The following ARHGAP18 variants were observed in gnomAD, a reference collection of about 807,000 sequenced individuals.
The protein encoded by ARHGAP18 is Rho GTPase activating protein 18.
Under a neutral mutation model 86.2 loss-of-function variants are expected in ARHGAP18, and 67 were observed. The ratio of observed to expected loss-of-function variants is 0.78; its 90% confidence interval spans 0.64 to 0.95. ARHGAP18 has a LOEUF of 0.95. Among genes scored for constraint, ARHGAP18 ranks in the 40% least tolerant of loss-of-function variants. The probability of loss-of-function intolerance (pLI) is 0.00; values close to 1 mark genes in which losing one functional copy is unlikely to be tolerated. For missense variants in ARHGAP18, 691 were observed against 780.4 expected (o/e 0.89, Z 1.37); for synonymous variants, 283 against 280.4 (o/e 1.01, Z -0.09).
In ARHGAP18 at chr6:129,625,766, TATATATATTTATATATATA is replaced by T. The variant is rs1177420872; in HGVS notation, c.786+3568_786+3586del. Among the ~76,000 whole-genome samples the T allele has an allele frequency of 1.1e-3, 39 of 35,350 alleles. 4 individuals carry two copies. Among genetic ancestry groups the T allele is most frequent in the African/African-American group, 3.2e-3 (38 of 11,776 alleles). 23.2% of individuals were successfully genotyped at this position (35,350 alleles called of 152,430 possible). A position where few individuals can be genotyped will look rare whatever the true frequency, so the allele number is the denominator to read the frequency against. On this transcript the variant is annotated intron_variant, in intron 5 of 14. Transcript: ENST00000368149. ...ATTTATATATTATATATTTATATAT[TATATATATTTATATATATA>T]ATATATATTTTTATATTATATATTA...
chr6:129,666,622 C>T (rs1774046032), intron 1 of ARHGAP18, among the ~76,000 whole-genome samples: 1 of 152,194 alleles, frequency 6.6e-6, no homozygotes, highest in South Asian at 2.1e-4. Flanking sequence ...ATGCCTTCAA[C>T]CTGACTCCAG....
intron 1 of ARHGAP18, among the ~76,000 whole-genome samples, chr6:129,700,768 G>A (rs1774696228): frequency 6.6e-6 from 1 of 152,140 alleles, no homozygotes; most frequent in African/African-American, 2.4e-5. Flanking sequence ...TTCCCAGTGT[G>A]CAGAAGGAAA....
At chr6:129,632,291 C>G (rs577329696) in intron 4 of ARHGAP18, among the ~76,000 whole-genome samples, 1 of 152,294 alleles carries the variant, frequency 6.6e-6, no homozygotes, top group South Asian at 2.1e-4. Flanking sequence ...GATCTATGCC[C>G]ACTATGTAGC....
chr6:129,601,487 GAGAAGAGAGAAA>G (rs990029274), intron 10 of ARHGAP18, among the ~76,000 whole-genome samples: 58 of 146,740 alleles, frequency 4.0e-4, no homozygotes, highest in African/African-American at 1.4e-3. Context: ...GAGAAGAGAA[GAGAAGAGAGAAA>G]AGAGAAAAGA....
intron 4 of ARHGAP18, among the ~76,000 whole-genome samples, chr6:129,630,561 C>A (rs1054547127): frequency 6.6e-6 from 1 of 152,052 alleles, no homozygotes; most frequent in African/African-American, 2.4e-5. Context: ...AGATAAATGT[C>A]ATAAATACAT....
intron 1 of ARHGAP18, among the ~76,000 whole-genome samples, chr6:129,707,565 C>G (rs1774821598): frequency 6.6e-6 from 1 of 151,984 alleles, no homozygotes; most frequent in South Asian, 2.1e-4. Flanking sequence ...GCTCCACCAG[C>G]CTCAAGTGAT....
At chr6:129,580,624 T>C (rs528651206) in intron 13 of ARHGAP18, among the ~76,000 whole-genome samples, 23 of 152,304 alleles carry the variant, frequency 1.5e-4, no homozygotes, top group African/African-American at 5.3e-4. Context: ...TGAAGGCTCA[T>C]GCCTGTAATC....
Position 129,710,084 on chromosome 6 carries a change from C to G in ARHGAP18, c.53G>C (p.Ser18Thr), listed in dbSNP as rs1774883205. The stretch of plus-strand genomic sequence containing the variant: ...GTTCCCGACGGTCTGGTCCTTGCCG[C>G]TGGGGTGGTAGGCTGTTAGTACCAC... ...QGVVLTAYHP[S>T]GKDQTVGNSH... The change falls in exon 1 of 15, where the codon AGC becomes ACC. Residue 18 changes from serine to threonine, a missense_variant. Ser to Thr is a moderately conservative substitution (Grantham distance 58). Transcript: ENST00000368149. 2 of 1,614,024 alleles carry G rather than the reference C, an allele frequency of 1.2e-6. No individual in the cohort carries two copies. The highest frequency in any genetic ancestry group is 2.2e-5 in the South Asian group (2 of 91,082).
rs149277156 is a variant in ARHGAP18 at position 129,629,469 on chromosome 6, G to T, written c.670C>A (p.Pro224Thr). Residue 224 changes from proline to threonine, a missense_variant, in exon 5 of 15, where the codon CCT becomes ACT. Coordinates refer to ENST00000368149, the MANE Select transcript of ARHGAP18 (RefSeq NM_033515.3). ...AGGTTGATGTCTGTTTCAGGGGCAG[G>T]CGTCTCCTCAGGTGGGATCAGCTTC... is the stretch of plus-strand genomic sequence containing the variant. ...EEKLIPPEET[P>T]APETDINLEV... 6.8e-5 allele frequency: 109 copies of T among 1,613,710 alleles called. 1 individual carries two copies. Among genetic ancestry groups the T allele is most frequent in the Non-Finnish European group, 9.2e-5 (109 of 1,179,912 alleles).
At chr6:129,677,178 G>A (rs1774250943) in intron 1 of ARHGAP18, among the ~76,000 whole-genome samples, 1 of 152,004 alleles carries the variant, frequency 6.6e-6, no homozygotes, top group South Asian at 2.1e-4. Flanking sequence ...GGATCACGAG[G>A]TCAGGAGGAT....
chr6:129,623,975 G>A (rs1358857216), intron 5 of ARHGAP18, among the ~76,000 whole-genome samples: 1 of 152,162 alleles, frequency 6.6e-6, no homozygotes, highest in Non-Finnish European at 1.5e-5. Context: ...CAGAGGGGTA[G>A]AAATGGAGAG....
intron 5 of ARHGAP18, among the ~76,000 whole-genome samples, chr6:129,625,084 T>TTG (rs1789330089): frequency 9.6e-6 from 1 of 103,958 alleles, no homozygotes; most frequent in African/African-American, 3.7e-5. Flanking sequence ...ATATATATGA[T>TTG]ATATGATATA....
intron 1 of ARHGAP18, among the ~76,000 whole-genome samples, chr6:129,692,132 T>C (rs1774540085): frequency 6.6e-6 from 1 of 152,228 alleles, no homozygotes; most frequent in East Asian, 1.9e-4. Flanking sequence ...AGACCCCCTC[T>C]TTCTTTGAAT....
At position 129,625,361 on chromosome 6, in the gene ARHGAP18, G is replaced by GTAATATATATTATA. The variant is rs1562697058; in HGVS notation, c.786+3991_786+3992insTATAATATATATTA. Among the ~76,000 whole-genome samples the GTAATATATATTATA allele has an allele frequency of 1.6e-4, 8 of 51,234 alleles. 1 individual carries two copies. Among genetic ancestry groups the GTAATATATATTATA allele is most frequent in the Non-Finnish European group, 2.2e-4 (7 of 32,444 alleles). 33.6% of individuals were successfully genotyped at this position (51,234 alleles called of 152,430 possible). ...TATATTTATATGTAATATATATTAT[G>GTAATATATATTATA]TATATTTATATATATTATATATTAT... On this transcript the variant is annotated intron_variant, in intron 5 of 14. Coordinates refer to ENST00000368149, the MANE Select transcript of ARHGAP18 (RefSeq NM_033515.3).
At chr6:129,600,975 A>T (rs1562684316) in intron 10 of ARHGAP18, 127 bp from the exon 11 acceptor site, 1 of 752,636 alleles carries the variant, frequency 1.3e-6, no homozygotes, top group South Asian at 1.9e-5. Context: ...AACTAATCAC[A>T]TCCAGCAGGC....
intron 1 of ARHGAP18, among the ~76,000 whole-genome samples, chr6:129,653,088 T>C (rs1562711981): frequency 6.6e-6 from 1 of 152,184 alleles, no homozygotes; most frequent in Non-Finnish European, 1.5e-5. Context: ...TAAACTCTTC[T>C]CAGTTCTTTG....
Position 129,577,393 on chromosome 6 carries a change from T to C in ARHGAP18, c.*1120A>G, listed in dbSNP as rs1388382821. The stretch of plus-strand genomic sequence containing the variant: ...TTCTAAACTCATAAAATATTTAACA[T>C]TTCTCTACTTCATTTCTTATTTACA... On this transcript the variant is annotated 3_prime_UTR_variant, in exon 15 of 15. Coordinates refer to ENST00000368149, the MANE Select transcript of ARHGAP18 (RefSeq NM_033515.3). 2 of 152,186 alleles carry C rather than the reference T, an allele frequency of 1.3e-5. No individual in the cohort carries two copies. The highest frequency in any genetic ancestry group is 2.9e-5 in the Non-Finnish European group (2 of 68,010). The allele number at this position is 152,186 out of a possible 1,614,324, so 9.4% of individuals were successfully genotyped here.
intron 12 of ARHGAP18, among the ~76,000 whole-genome samples, chr6:129,594,604 C>T (rs1346213681): frequency 6.6e-6 from 1 of 152,164 alleles, no homozygotes; most frequent in African/African-American, 2.4e-5. Flanking sequence ...CCCCTGTAGC[C>T]GACTCACACA....
At chr6:129,633,697 T>C (rs964476486) in intron 4 of ARHGAP18, among the ~76,000 whole-genome samples, 2 of 152,186 alleles carry the variant, frequency 1.3e-5, no homozygotes, top group Non-Finnish European at 2.9e-5. Flanking sequence ...TTCACAGCTC[T>C]AAGCCTCAGT....
Sources: allele counts gnomAD v4.1 joint callset (sites outside exome capture counted in the v4.1 genomes callset), GRCh38; gene constraint gnomAD v4.1.1; transcripts MANE v1.5; gene names NCBI Gene and HGNC (gene_info 2026-07-23, HGNC 2026-07-21).